RCAN2: variants seen among roughly 807,000 people sequenced by gnomAD.
RCAN2 encodes regulator of calcineurin 2, also known as calcipressin-2.
RCAN2 carries 9 observed loss-of-function variants against 23.6 expected under a neutral mutation model. That is an observed-to-expected ratio of 0.38 (90% CI 0.23 to 0.67). The LOEUF is 0.67. Among genes scored for constraint, RCAN2 ranks in the 30% least tolerant of loss-of-function variants. The pLI is 0.51. For synonymous variants in RCAN2, 109 were observed against 115.7 expected, an observed-to-expected ratio of 0.94 and a Z score of 0.37; for missense variants, 273 against 302.3, an observed-to-expected ratio of 0.90 and a Z score of 0.72.
At chr6:46,299,077 G>C (rs562458368) in intron 2 of RCAN2, among the ~76,000 whole-genome samples, 1 of 151,976 alleles carries the variant, frequency 6.6e-6, no homozygotes, top group African/African-American at 2.4e-5. Context: ...ATAATGATGG[G>C]AACAACAGAC....
chr6:46,278,135 C>T (rs929082261), intron 2 of RCAN2, among the ~76,000 whole-genome samples: 5 of 152,226 alleles, frequency 3.3e-5, no homozygotes, highest in Middle Eastern at 3.4e-3. Flanking sequence ...CAAAAGATGT[C>T]ACCTAAGACA....
intron 1 of RCAN2, among the ~76,000 whole-genome samples, 157 bp downstream of exon 1, chr6:46,491,016 A>C (rs865785771): frequency 0.089 from 11,666 of 130,816 alleles, 1,219 homozygotes; most frequent in African/African-American, 0.12. Context: ...CACCCCCGCC[A>C]CCGCCCCCGC....
chr6:46,322,205 T>G (rs975676160), intron 2 of RCAN2, among the ~76,000 whole-genome samples: 4 of 152,186 alleles, frequency 2.6e-5, no homozygotes, highest in Admixed American at 2.6e-4. Flanking sequence ...TTCAGAAATA[T>G]GAGAATACTG....
intron 2 of RCAN2, among the ~76,000 whole-genome samples, chr6:46,353,163 A>G (rs926628060): frequency 6.6e-6 from 1 of 152,124 alleles, no homozygotes; most frequent in African/African-American, 2.4e-5. Context: ...TAGTATGGTA[A>G]TGAGGGGAGT....
At chr6:46,435,556 T>A (rs1767339940) in intron 2 of RCAN2, among the ~76,000 whole-genome samples, 2 of 152,340 alleles carry the variant, frequency 1.3e-5, no homozygotes, top group Admixed American at 1.3e-4. Context: ...AAATTGCCAA[T>A]CACAATTAAC....
chr6:46,463,676 AG>A (rs1163628912), intron 1 of RCAN2, among the ~76,000 whole-genome samples: 2 of 152,220 alleles, frequency 1.3e-5, no homozygotes, highest in Non-Finnish European at 2.9e-5. Flanking sequence ...TTTTAACAAA[AG>A]CTTTCTCCAG....
chr6:46,402,192 C>T (rs540381638), intron 2 of RCAN2, among the ~76,000 whole-genome samples: 23 of 152,194 alleles, frequency 1.5e-4, no homozygotes, highest in East Asian at 7.7e-4. Flanking sequence ...GTTTACCAAC[C>T]GGCATGGAGT....
intron 2 of RCAN2, among the ~76,000 whole-genome samples, chr6:46,395,242 G>C (rs1400289353): frequency 6.6e-6 from 1 of 152,154 alleles, no homozygotes; most frequent in Non-Finnish European, 1.5e-5. Context: ...GTGTTTAAAG[G>C]CATGAGACAT....
intron 2 of RCAN2, among the ~76,000 whole-genome samples, chr6:46,353,569 T>C (rs1561871544): frequency 1.3e-5 from 2 of 152,208 alleles, no homozygotes; most frequent in Non-Finnish European, 2.9e-5. Flanking sequence ...AAGTTCAGCT[T>C]GGGGCTTGTT....
chr6:46,491,033 C>T (rs998173733), intron 1 of RCAN2, 140 bp downstream of exon 1: 11 of 150,142 alleles, frequency 7.3e-5, no homozygotes, highest in African/African-American at 2.4e-4. Context: ...CCGCCCCCGC[C>T]CCCGCCCCCG....
chr6:46,343,905 A>T (rs1023256403), intron 2 of RCAN2, among the ~76,000 whole-genome samples: 1 of 152,252 alleles, frequency 6.6e-6, no homozygotes, highest in Non-Finnish European at 1.5e-5. Flanking sequence ...ATCAATTAAA[A>T]GGAATAAACT....
At chr6:46,309,108 G>T (rs946669142) in intron 2 of RCAN2, among the ~76,000 whole-genome samples, 1 of 152,166 alleles carries the variant, frequency 6.6e-6, no homozygotes, top group African/African-American at 2.4e-5. Flanking sequence ...CTGTTCAGGA[G>T]AAGTTTGCAG....
At chr6:46,348,009 C>T (rs906164324) in intron 2 of RCAN2, among the ~76,000 whole-genome samples, 1 of 152,022 alleles carries the variant, frequency 6.6e-6, no homozygotes, top group Non-Finnish European at 1.5e-5. Context: ...ACAGCGTGGC[C>T]GAGTACAGGA....
At chr6:46,443,197 T>C (rs978849470) in intron 2 of RCAN2, among the ~76,000 whole-genome samples, 2 of 152,216 alleles carry the variant, frequency 1.3e-5, no homozygotes, top group Non-Finnish European at 2.9e-5. Flanking sequence ...ATATTTTATG[T>C]CTAATTTAAC....
At chr6:46,274,735 A>G (rs967280439) in intron 2 of RCAN2, among the ~76,000 whole-genome samples, 4 of 152,212 alleles carry the variant, frequency 2.6e-5, no homozygotes, top group African/African-American at 9.6e-5. Flanking sequence ...GTGGACATCT[A>G]GGCAGAGAGG....
chr6:46,375,990 C>T (rs557143514), intron 2 of RCAN2, among the ~76,000 whole-genome samples: 7 of 152,220 alleles, frequency 4.6e-5, no homozygotes, highest in South Asian at 2.1e-4. Flanking sequence ...TTCTTTTCAA[C>T]GCATCTCTGA....
intron 1 of RCAN2, among the ~76,000 whole-genome samples, chr6:46,479,007 A>C (rs990471906): frequency 1.3e-5 from 2 of 152,198 alleles, no homozygotes; most frequent in Admixed American, 1.3e-4. Flanking sequence ...GACAGGGCCA[A>C]TTGAAGGTGC....
chr6:46,232,737 G>A (rs1310938075), intron 4 of RCAN2, among the ~76,000 whole-genome samples: 2 of 143,798 alleles, frequency 1.4e-5, no homozygotes, highest in Non-Finnish European at 1.5e-5. Flanking sequence ...TAGTTGCAGT[G>A]AGCTGAGGTC....
At chr6:46,377,295 T>C (rs771714479) in intron 2 of RCAN2, among the ~76,000 whole-genome samples, 7 of 152,290 alleles carry the variant, frequency 4.6e-5, no homozygotes, top group Non-Finnish European at 7.4e-5. Flanking sequence ...ATTCAGACCT[T>C]AGAGACCTCC....
Sources: allele counts gnomAD v4.1 joint callset (sites outside exome capture counted in the v4.1 genomes callset), GRCh38; gene constraint gnomAD v4.1.1; transcripts MANE v1.5; gene names NCBI Gene and HGNC (gene_info 2026-07-23, HGNC 2026-07-21).